The following DNAH9 variants were observed in gnomAD, a reference collection of about 807,000 sequenced individuals.
DNAH9 encodes the protein dynein axonemal heavy chain 9.
Under a neutral mutation model 471.6 loss-of-function variants are expected in DNAH9, and 345 were observed. That is an observed-to-expected ratio of 0.73 (90% CI 0.67 to 0.80). The LOEUF is 0.80. Ranked by LOEUF, DNAH9 falls within the 30% of genes least tolerant of loss-of-function variation. DNAH9 has a pLI of 0.00. For missense variants in DNAH9, 5,407 were observed against 5,609.2 expected, an observed-to-expected ratio of 0.96 and a Z score of 1.15; for synonymous variants, 2,093 against 2,123.6, an observed-to-expected ratio of 0.99 and a Z score of 0.40.
chr17:11,703,972 G>A (rs1282029143), intron 24 of DNAH9, among the ~76,000 whole-genome samples: 4 of 152,316 alleles, frequency 2.6e-5, no homozygotes, highest in East Asian at 1.9e-4. Flanking sequence ...CTTCTCAACC[G>A]AATGATACAT....
At chr17:11,624,345 C>T (rs1050757637) in intron 6 of DNAH9, among the ~76,000 whole-genome samples, 2 of 152,172 alleles carry the variant, frequency 1.3e-5, no homozygotes, top group East Asian at 3.9e-4. Context: ...CCTGTCTCTA[C>T]TAAAAATACA....
At chr17:11,851,625 T>C (rs528695095) in intron 49 of DNAH9, among the ~76,000 whole-genome samples, 130 of 151,752 alleles carry the variant, frequency 8.6e-4, no homozygotes, top group African/African-American at 2.8e-3. Context: ...GAAACTGGGG[T>C]GTAAAAAAGC....
intron 6 of DNAH9, among the ~76,000 whole-genome samples, chr17:11,628,591 G>A (rs959694884): frequency 2.6e-5 from 4 of 152,196 alleles, no homozygotes; most frequent in African/African-American, 7.2e-5. Flanking sequence ...CGCCCTGCAG[G>A]AGATGTGTTT....
intron 52 of DNAH9, among the ~76,000 whole-genome samples, chr17:11,872,458 G>A (rs1193747832): frequency 6.6e-6 from 1 of 150,984 alleles, no homozygotes; most frequent in Non-Finnish European, 1.5e-5. Context: ...AGCATCAGAA[G>A]TTCTAATATT....
At chr17:11,724,768 C>T (rs2075123535) in intron 27 of DNAH9, among the ~76,000 whole-genome samples, 1 of 152,158 alleles carries the variant, frequency 6.6e-6, no homozygotes, top group African/African-American at 2.4e-5. Context: ...TTTCCATGGA[C>T]TGTGGTAGTG....
intron 28 of DNAH9, among the ~76,000 whole-genome samples, chr17:11,734,975 C>T (rs73292661): frequency 0.15 from 22,777 of 152,044 alleles, 2,196 homozygotes; most frequent in African/African-American, 0.27. Flanking sequence ...CAGAATCACC[C>T]GGAGGGCCTG....
chr17:11,602,123 T>C (rs1476081545), intron 1 of DNAH9, among the ~76,000 whole-genome samples: 3 of 151,964 alleles, frequency 2.0e-5, no homozygotes, highest in African/African-American at 7.2e-5. Context: ...TTTTTTTGAC[T>C]TTTTGCATTT....
At position 11,868,986 on chromosome 17, in the gene DNAH9, G is replaced by C. The variant is rs188983288; in HGVS notation, c.9934-148G>C. ...TCTTCCCCGAATGTGCTTTCATTTC[G>C]TTCTCTGCCCTGCTTTCCCTGGTCC... On this transcript the variant is annotated intron_variant, in intron 50 of 68. Transcript: ENST00000262442. 256 of 937,968 alleles carry C rather than the reference G, an allele frequency of 2.7e-4. 1 individual carries two copies. In the South Asian group the frequency reaches 3.3e-3, roughly 12 times the overall value. The allele number at this position is 937,968 out of a possible 1,614,324, so 58.1% of individuals were successfully genotyped here. A position where few individuals can be genotyped will look rare whatever the true frequency, so the allele number is the denominator to read the frequency against.
intron 7 of DNAH9, 32 bp from the exon 8 acceptor site, chr17:11,632,555 G>A (rs374511327): frequency 7.8e-5 from 88 of 1,133,890 alleles, no homozygotes; most frequent in Non-Finnish European, 9.7e-5. Context: ...AGAAAATTAC[G>A]TTTTCCTTAT....
intron 15 of DNAH9, among the ~76,000 whole-genome samples, chr17:11,668,590 G>A (rs1416061500): frequency 2.7e-5 from 4 of 148,728 alleles, no homozygotes; most frequent in South Asian, 2.1e-4. Context: ...TCTTGAACCC[G>A]GGAGGTGGAG....
chr17:11,939,672 G>A (rs1216198531), intron 66 of DNAH9, among the ~76,000 whole-genome samples: 1 of 152,174 alleles, frequency 6.6e-6, no homozygotes, highest in Non-Finnish European at 1.5e-5. Flanking sequence ...TGACCGAGAG[G>A]TTGTACACTC....
At position 11,681,866 on chromosome 17, in the gene DNAH9, C is replaced by T. The variant is rs534738422; in HGVS notation, c.3743+977C>T. Among the ~76,000 whole-genome samples, 12 of 152,298 alleles carry T rather than the reference C, an allele frequency of 7.9e-5. No homozygotes were observed. The South Asian group carries it at 1.5e-3, about 18-fold the overall frequency. On this transcript the variant is annotated intron_variant, in intron 19 of 68. Coordinates refer to ENST00000262442, the MANE Select transcript of DNAH9 (RefSeq NM_001372.4). ...ATTCAGGTGGCCTGGGGTCTAATTT[C>T]AGGTCTTCTACTTACTTCTTATGTT...
At chr17:11,629,380 A>C (rs1208673040) in intron 6 of DNAH9, 37 bp from the exon 7 acceptor site, 17 of 1,588,472 alleles carry the variant, frequency 1.1e-5, no homozygotes, top group Non-Finnish European at 1.5e-5. Flanking sequence ...TAGTTTGCTG[A>C]GAATGATTTT....
rs773373676 is a variant in DNAH9 at position 11,624,068 on chromosome 17, T to G, written c.1350+4287T>G. Among the ~76,000 whole-genome samples the G allele has an allele frequency of 1.7e-3, 258 of 152,278 alleles. 1 individual carries two copies. Among genetic ancestry groups the G allele is most frequent in the Non-Finnish European group, 3.0e-3 (204 of 68,020 alleles). On this transcript the variant is annotated intron_variant, in intron 6 of 68. Coordinates refer to ENST00000262442, the MANE Select transcript of DNAH9 (RefSeq NM_001372.4). ...AATTGCATTTTCAGGATACCACCAT[T>G]CTCCTCTGCCTTCTTATCATAACCA... is the stretch of plus-strand genomic sequence containing the variant.
At chr17:11,855,693 A>G (rs1351286007) in intron 50 of DNAH9, among the ~76,000 whole-genome samples, 1 of 152,232 alleles carries the variant, frequency 6.6e-6, no homozygotes, top group East Asian at 1.9e-4. Flanking sequence ...CCAACAGCTT[A>G]GATCTTGAAT....
intron 45 of DNAH9, among the ~76,000 whole-genome samples, chr17:11,817,377 G>C (rs909991287): frequency 2.0e-5 from 3 of 152,128 alleles, no homozygotes; most frequent in African/African-American, 7.2e-5. Context: ...ATTTGAGCAC[G>C]GAAAATGTCT....
At chr17:11,609,941 T>C (rs76762945) in intron 2 of DNAH9, among the ~76,000 whole-genome samples, 6,046 of 152,240 alleles carry the variant, frequency 0.04, 410 homozygotes, top group African/African-American at 0.13. Context: ...AATGGTTCAG[T>C]ATAGAGACAA....
chr17:11,779,821 A>G (rs2150892930), intron 38 of DNAH9, among the ~76,000 whole-genome samples: 1 of 152,326 alleles, frequency 6.6e-6, no homozygotes, highest in Admixed American at 6.5e-5. Context: ...TGTTAATTGG[A>G]TGCTAATTAA....
Position 11,797,786 on chromosome 17 carries a change from C to A in DNAH9, c.8413C>A (p.Arg2805Ser), listed in dbSNP as rs774904058. The A allele has an allele frequency of 3.7e-6, 6 of 1,613,352 alleles. No homozygotes were observed. Among genetic ancestry groups the A allele is most frequent in the South Asian group, 1.1e-5 (1 of 90,930 alleles). ...CCTAGTTCTCTTTGAGGATGCCATG[C>A]GCCATGTGTAAGTGTGCTTCTCCTC... ...MDLVLFEDAM[R>S]HVCHINRILE... Residue 2805 changes from arginine (R) to serine (S), a missense_variant, in exon 43 of 69, where the codon CGC (arginine) becomes AGC (serine). Arg to Ser is a moderately radical substitution (Grantham distance 110). Around this residue, in one of 3 missense-constraint regions of DNAH9, gnomAD observed 4,636 missense variants for 4,900.3 expected, o/e 0.95. Coordinates refer to ENST00000262442, the MANE Select transcript of DNAH9 (RefSeq NM_001372.4).
Sources: allele counts gnomAD v4.1 joint callset (sites outside exome capture counted in the v4.1 genomes callset), GRCh38; gene constraint gnomAD v4.1.1; regional missense constraint gnomAD v4.1.1; transcripts MANE v1.5; gene names NCBI Gene and HGNC (gene_info 2026-07-23, HGNC 2026-07-21).